Variants in EML1 observed in about 807,000 individuals in gnomAD.
The protein encoded by EML1 is echinoderm microtubule-associated protein-like 1.
A neutral mutation model predicts 110.4 loss-of-function variants in EML1; 27 were observed. The observed-to-expected ratio is 0.24, with a 90% CI of 0.18 to 0.34. The LOEUF (loss-of-function observed/expected upper bound fraction) is 0.34, where lower values mean the gene tolerates loss of function less well. Among genes scored for constraint, EML1 ranks in the 10% least tolerant of loss-of-function variants. The pLI, the probability that EML1 is intolerant of heterozygous loss-of-function variation, is 1.00. For missense variants in EML1, 741 were observed against 1,030.9 expected, an observed-to-expected ratio of 0.72 and a Z score of 3.85; for synonymous variants, 344 against 385.8, an observed-to-expected ratio of 0.89 and a Z score of 1.27.
intron 17 of EML1, among the ~76,000 whole-genome samples, chr14:99,925,449 C>G (rs1303992946): frequency 6.6e-6 from 1 of 151,918 alleles, no homozygotes; most frequent in African/African-American, 2.4e-5. Flanking sequence ...ACAGGGTATT[C>G]CTATGTCTCT....
chr14:99,778,307 A>C (rs2057504795), intron 1 of EML1, among the ~76,000 whole-genome samples: 1 of 152,190 alleles, frequency 6.6e-6, no homozygotes, highest in Non-Finnish European at 1.5e-5. Flanking sequence ...ATATTGTATG[A>C]TTGAATTTCC....
At chr14:99,871,273 T>TA (rs2059198252) in intron 3 of EML1, among the ~76,000 whole-genome samples, 1 of 152,100 alleles carries the variant, frequency 6.6e-6, no homozygotes, top group African/African-American at 2.4e-5. Context: ...TTGCTGCCAT[T>TA]GATAGTGATT....
At chr14:99,932,448 G>A (rs977481592) in intron 17 of EML1, among the ~76,000 whole-genome samples, 1 of 151,780 alleles carries the variant, frequency 6.6e-6, no homozygotes, top group African/African-American at 2.4e-5. Flanking sequence ...GACCAGCCTA[G>A]CCTACATGGT....
chr14:99,768,329 A>T (rs1293593916), upstream of EML1, among the ~76,000 whole-genome samples: 2 of 152,114 alleles, frequency 1.3e-5, no homozygotes, highest in Non-Finnish European at 1.5e-5. Flanking sequence ...GAGTGGTGAG[A>T]TGGGGTCTCT....
chr14:99,757,681 T>C (rs1251826045), intron 1 of EML1, among the ~76,000 whole-genome samples: 3 of 152,222 alleles, frequency 2.0e-5, no homozygotes, highest in East Asian at 1.9e-4. Flanking sequence ...TTGGGTTTCA[T>C]GAGTAACATT....
chr14:99,753,586 T>C (rs527744458), intron 1 of EML1, among the ~76,000 whole-genome samples: 11 of 152,148 alleles, frequency 7.2e-5, no homozygotes, highest in Non-Finnish European at 1.3e-4. Context: ...CTCCTCTGTA[T>C]GGTGACAGCC....
chr14:99,937,749 G>A (rs536367992), intron 19 of EML1, 68 bp from the exon 20 acceptor site: 4 of 1,435,958 alleles, frequency 2.8e-6, no homozygotes, highest in East Asian at 4.6e-5. Flanking sequence ...AGCTCTGGGG[G>A]CTCAGCCTTG....
At chr14:99,875,855 C>A (rs2139925191) in intron 3 of EML1, among the ~76,000 whole-genome samples, 1 of 152,308 alleles carries the variant, frequency 6.6e-6, no homozygotes, top group Non-Finnish European at 1.5e-5. Flanking sequence ...TCTGTAATTT[C>A]CTTGTCCCCA....
At chr14:99,769,777 C>T (rs1163166062), upstream of EML1, among the ~76,000 whole-genome samples, 2 of 152,186 alleles carry the variant, frequency 1.3e-5, no homozygotes, top group African/African-American at 2.4e-5. Context: ...TCCGAGGCTA[C>T]ATTCCCATGA....
At chr14:99,925,565 T>G (rs1000740662) in intron 17 of EML1, among the ~76,000 whole-genome samples, 1 of 152,200 alleles carries the variant, frequency 6.6e-6, no homozygotes, top group African/African-American at 2.4e-5. Flanking sequence ...TTTTGCTTCA[T>G]GTAGTTTGAA....
intron 1 of EML1, among the ~76,000 whole-genome samples, chr14:99,750,989 A>T (rs1211992596): frequency 1.3e-5 from 2 of 152,100 alleles, no homozygotes; most frequent in East Asian, 3.9e-4. Context: ...CCCCCCTGTG[A>T]AATGAACTGG....
chr14:99,911,702 C>A, intron 13 of EML1, 126 bp downstream of exon 13: 2 of 1,038,024 alleles, frequency 1.9e-6, no homozygotes, highest in Non-Finnish European at 2.7e-6. Context: ...TATATGGGAG[C>A]AATGTATTTT....
chr14:99,850,804 T>C (rs2058783388), intron 1 of EML1, 49 bp from the exon 2 acceptor site: 1 of 1,589,356 alleles, frequency 6.3e-7, no homozygotes, highest in Non-Finnish European at 8.6e-7. Context: ...TTTATAGATC[T>C]GATTTCCGGG....
chr14:99,911,730 G>C (rs990804866), intron 13 of EML1, 154 bp downstream of exon 13: 4 of 829,108 alleles, frequency 4.8e-6, no homozygotes, highest in Non-Finnish European at 7.1e-6. Context: ...TCCTGAGGCA[G>C]GTTAAATATA....
At chr14:99,910,823 A>G (rs1307224258) in intron 12 of EML1, among the ~76,000 whole-genome samples, 2 of 152,246 alleles carry the variant, frequency 1.3e-5, no homozygotes, top group Non-Finnish European at 2.9e-5. Flanking sequence ...TGCATCACTC[A>G]GAAAGCATGC....
intron 9 of EML1, 93 bp downstream of exon 9, chr14:99,901,132 C>A (rs2059756564): frequency 6.6e-6 from 7 of 1,055,194 alleles, no homozygotes; most frequent in African/African-American, 1.6e-5. Flanking sequence ...ACACTCGATA[C>A]CTGCCTGGGT....
At chr14:99,866,070 A>T (rs936592478) in intron 3 of EML1, among the ~76,000 whole-genome samples, 27 of 152,352 alleles carry the variant, frequency 1.8e-4, no homozygotes, top group African/African-American at 6.3e-4. Flanking sequence ...AATGGAGTCT[A>T]AATATTGATG....
At chr14:99,864,424 T>C (rs2059057127) in intron 2 of EML1, among the ~76,000 whole-genome samples, 2 of 152,238 alleles carry the variant, frequency 1.3e-5, no homozygotes, top group South Asian at 4.1e-4. Context: ...CACTTTCTTC[T>C]AGAAGTTTTA....
intron 1 of EML1, among the ~76,000 whole-genome samples, chr14:99,763,899 G>T (rs1203719706): frequency 6.6e-6 from 1 of 152,174 alleles, no homozygotes; most frequent in Non-Finnish European, 1.5e-5. Context: ...AGGAGCCGGG[G>T]CCTGCAGGAA....
Sources: gnomAD v4.1 joint callset for allele counts (sites outside exome capture counted in the v4.1 genomes callset) on GRCh38, gnomAD v4.1.1 for gene constraint, MANE v1.5 for transcripts, NCBI Gene and HGNC (gene_info 2026-07-23, HGNC 2026-07-21) for gene names.